PARP14: variants seen among roughly 807,000 people sequenced by gnomAD.
PARP14 encodes the protein poly(ADP-ribose) polymerase family member 14.
PARP14 carries 59 observed loss-of-function variants against 154.2 expected under a neutral mutation model. That is an observed-to-expected ratio of 0.38 (90% CI 0.31 to 0.48). The LOEUF (loss-of-function observed/expected upper bound fraction) is 0.48. Ranked by LOEUF, PARP14 falls within the 20% of genes least tolerant of loss-of-function variation. PARP14 has a pLI of 0.98. For missense variants in PARP14, 1,734 were observed against 2,131.6 expected, an observed-to-expected ratio of 0.81 and a Z score of 3.67; for synonymous variants, 720 against 780.5, an observed-to-expected ratio of 0.92 and a Z score of 1.29.
intron 9 of PARP14, among the ~76,000 whole-genome samples, chr3:122,709,475 T>G (rs1939254873): frequency 1.3e-5 from 2 of 152,230 alleles, no homozygotes; most frequent in South Asian, 2.1e-4. Context: ...TTAGGTTGGT[T>G]CCATATCTTA....
At chr3:122,683,839 A>C (rs1436299750) in intron 1 of PARP14, among the ~76,000 whole-genome samples, 1 of 152,224 alleles carries the variant, frequency 6.6e-6, no homozygotes, top group Non-Finnish European at 1.5e-5. Context: ...AAGTCTAGGG[A>C]ATAAGAAAAG....
intron 15 of PARP14, among the ~76,000 whole-genome samples, chr3:122,724,049 T>G (rs1933223064): frequency 6.6e-6 from 1 of 152,232 alleles, no homozygotes; most frequent in Non-Finnish European, 1.5e-5. Flanking sequence ...TCCCATGTCT[T>G]TTAATGACCC....
At chr3:122,685,456 G>T in intron 2 of PARP14, 138 bp downstream of exon 2, 1 of 773,610 alleles carries the variant, frequency 1.3e-6, no homozygotes, top group Non-Finnish European at 2.1e-6. Context: ...CAAATGTAGG[G>T]GGAGTGAGGG....
chr3:122,702,607 G>A (rs556280199), intron 6 of PARP14, among the ~76,000 whole-genome samples: 1 of 152,272 alleles, frequency 6.6e-6, no homozygotes, highest in East Asian at 1.9e-4. Flanking sequence ...TTACAGATGA[G>A]GGAGTGAGAC....
rs538044529 is a variant in PARP14 at position 122,701,062 on chromosome 3, G to A, written c.2508G>A (p.Ala836=). ...AGCATTATGGTGGCCTGGCCGCTGCGCTCTCAAAAGCAGCTGGCCCTGAGC... is the reference window on the plus strand; with the variant it reads ...AGCATTATGGTGGCCTGGCCGCTGCACTCTCAAAAGCAGCTGGCCCTGAGC... ...DLKHYGGLAA[A]LSKAAGPELQ... Residue 836 remains alanine (A), a synonymous_variant, in exon 6 of 17, where the codon GCG becomes GCA. Transcript: ENST00000474629. The surrounding 1 kb of genome is among the most constrained non-coding windows in gnomAD (Gnocchi z 4.0). 451 of 1,613,968 alleles carry A rather than the reference G, an allele frequency of 2.8e-4. 14 individuals are homozygous for A. The South Asian group carries it at 4.5e-3, about 16-fold the overall frequency.
intron 3 of PARP14, among the ~76,000 whole-genome samples, chr3:122,691,920 C>T (rs1044010006): frequency 3.3e-5 from 5 of 152,106 alleles, no homozygotes; most frequent in African/African-American, 1.2e-4. Flanking sequence ...TGACTATTTA[C>T]TTAGCTAAGT....
intron 2 of PARP14, chr3:122,686,862 T>C (rs1487332767): frequency 1.4e-5 from 7 of 506,094 alleles, no homozygotes; most frequent in African/African-American, 1.4e-4. Flanking sequence ...TTAATTGAGG[T>C]TTCTGTTATT....
intron 15 of PARP14, chr3:122,721,152 C>T (rs1933157462): frequency 3.1e-6 from 1 of 317,810 alleles, no homozygotes; most frequent in Non-Finnish European, 6.1e-6. Context: ...CTTAAACGGT[C>T]TTTTGTCTCT....
intron 12 of PARP14, among the ~76,000 whole-genome samples, chr3:122,715,031 C>T (rs1316648161): frequency 6.6e-6 from 1 of 152,112 alleles, no homozygotes; most frequent in Admixed American, 6.5e-5. Flanking sequence ...TCTTCTTTTC[C>T]TAAAACTAGG....
rs758561803 is a variant in PARP14 at position 122,701,329 on chromosome 3, C to T, written c.2775C>T (p.Val925=). 2 of 1,614,060 alleles carry T rather than the reference C, an allele frequency of 1.2e-6. No homozygotes were observed. Among genetic ancestry groups the T allele is most frequent in the South Asian group, 2.2e-5 (2 of 91,088 alleles). Residue 925 remains valine (V), a synonymous_variant, in exon 6 of 17, where the codon GTC becomes GTT. Transcript: ENST00000474629. The surrounding 1 kb of genome is among the most constrained non-coding windows in gnomAD (Gnocchi z 4.0). ...SIAIPAISSG[V]FGFPLGRCVE... ...CCATCCCAGCTATTAGTTCTGGAGT[C>T]TTTGGCTTTCCCTTAGGCCGATGCG...
At position 122,726,616 on chromosome 3, in the gene PARP14, AT is replaced by A. The variant is rs1224183149; in HGVS notation, c.4942-1188del. 4.6e-5 allele frequency among the ~76,000 whole-genome samples: 7 copies of A among 152,040 alleles called. No individual in the cohort carries two copies. In the East Asian group the frequency reaches 1.2e-3, roughly 25 times the overall value. Reference sequence around the variant, plus strand: ...AAATAAAGTTTAAGATTTATTTGCAATTTTTTTTACCTTAGAATTTATCCCA... The same window carrying A: ...AAATAAAGTTTAAGATTTATTTGCAATTTTTTTACCTTAGAATTTATCCCA... On this transcript the variant is annotated intron_variant, in intron 15 of 16. Transcript: ENST00000474629.
chr3:122,680,894 C>T lies in PARP14; in HGVS notation c.11C>T (p.Pro4Leu). The T allele has an allele frequency of 6.2e-7, 1 of 1,605,420 alleles. No individual in the cohort carries two copies. The highest frequency in any genetic ancestry group is 8.5e-7 in the Non-Finnish European group (1 of 1,176,474). Residue 4 changes from proline to leucine, a missense_variant, in exon 1 of 17, where the codon CCC becomes CTC. Physicochemically the swap from Pro to Leu is moderately conservative, Grantham distance 98. Coordinates refer to ENST00000474629, the MANE Select transcript of PARP14 (RefSeq NM_017554.3). ...AGAGCGGAGCTGAGGATGGCTGTGCCCGGCTCCTTCCCGCTGCTGGTCGAG... is the reference window on the plus strand; with the variant it reads ...AGAGCGGAGCTGAGGATGGCTGTGCTCGGCTCCTTCCCGCTGCTGGTCGAG... MAV[P>L]GSFPLLVEGS... is the part of the protein sequence containing the mutation.
At position 122,700,929 on chromosome 3, in the gene PARP14, G is replaced by A. The variant is rs1333840685; in HGVS notation, c.2375G>A (p.Cys792Tyr). 1 of 1,613,816 alleles carries A rather than the reference G, an allele frequency of 6.2e-7. No homozygotes were observed. Residue 792 changes from cysteine to tyrosine, a missense_variant, in exon 6 of 17, where the codon TGC becomes TAC. By Grantham distance (194) the Cys-to-Tyr change is radical. Coordinates refer to ENST00000474629, the MANE Select transcript of PARP14 (RefSeq NM_017554.3). ...GGAGGCAGCCCCGCTGGGCAGAAGTGCTTCTCTCGGACAGTCTTGGCCCCT... is the reference window on the plus strand; with the variant it reads ...GGAGGCAGCCCCGCTGGGCAGAAGTACTTCTCTCGGACAGTCTTGGCCCCT... ...KEGGSPAGQK[C>Y]FSRTVLAPGV... is the part of the protein sequence containing the mutation.
At chr3:122,687,848 A>T (rs1938420233) in intron 3 of PARP14, among the ~76,000 whole-genome samples, 1 of 152,262 alleles carries the variant, frequency 6.6e-6, no homozygotes. Flanking sequence ...CTAAACCTTA[A>T]GGAAAATGAA....
intron 3 of PARP14, among the ~76,000 whole-genome samples, chr3:122,687,516 G>A (rs1191101781): frequency 6.6e-6 from 1 of 152,222 alleles, no homozygotes; most frequent in Non-Finnish European, 1.5e-5. Flanking sequence ...GTGTGAGGGT[G>A]CTGTGCTCTG....
In PARP14 at chr3:122,694,852, G is replaced by A. The variant is rs565738979; in HGVS notation, c.599-574G>A. On this transcript the variant is annotated intron_variant, in intron 4 of 16. Transcript: ENST00000474629. Reference sequence around the variant, plus strand: ...ATTATTAAAGAGACAATTGAGTTGAGTCCTAAAAGATGAATAGGATCAAGA... The same window carrying A: ...ATTATTAAAGAGACAATTGAGTTGAATCCTAAAAGATGAATAGGATCAAGA... Among the ~76,000 whole-genome samples, 3 of 152,180 alleles carry A rather than the reference G, an allele frequency of 2.0e-5. No individual in the cohort carries two copies. The East Asian group carries it at 5.8e-4, about 29-fold the overall frequency.
Position 122,692,304 on chromosome 3 carries a change from T to C in PARP14, c.359T>C (p.Val120Ala). 1.9e-6 allele frequency: 3 copies of C among 1,610,598 alleles called. No homozygotes were observed. Among genetic ancestry groups the C allele is most frequent in the Non-Finnish European group, 2.5e-6 (3 of 1,177,248 alleles). ...KTKEDVKEPD[V>A]SEELDTKLPL... ...TCTTTTGTCTTCCTAAAATCAGATG[T>C]GTCAGAAGAATTGGATACAAAACTC... Residue 120 changes from valine to alanine, a missense_variant, in exon 4 of 17, where the codon GTG becomes GCG. Transcript: ENST00000474629.
At position 122,685,287 on chromosome 3, in the gene PARP14, A is replaced by T. The variant is rs772215882; in HGVS notation, c.290A>T (p.Asp97Val). 6.2e-7 allele frequency: 1 copy of T among 1,613,942 alleles called. No homozygotes were observed. The change falls in exon 2 of 17, where the codon GAT becomes GTT. Residue 97 changes from aspartate (D) to valine (V), a missense_variant. By Grantham distance (152) the Asp-to-Val change is radical (BLOSUM62 -3). Transcript: ENST00000474629. ...VQLPATPDEIDHVFEEELLTK... is the reference protein window; with the variant it reads ...VQLPATPDEIVHVFEEELLTK... Reference sequence around the variant, plus strand: ...TTACCTGCAACCCCAGATGAAATCGATCATGTCTTTGAAGAGGAACTTCTA... The same window carrying T: ...TTACCTGCAACCCCAGATGAAATCGTTCATGTCTTTGAAGAGGAACTTCTA...
At chr3:122,695,305 TA>T in intron 4 of PARP14, 120 bp from the exon 5 acceptor site, 1 of 611,534 alleles carries the variant, frequency 1.6e-6, no homozygotes. Context: ...ATCTTGTGTC[TA>T]AAAATGGAGT....
Sources: gnomAD v4.1 joint callset for allele counts (sites outside exome capture counted in the v4.1 genomes callset) on GRCh38, gnomAD v4.1.1 for gene constraint, Gnocchi (gnomAD v3.1) non-coding constraint, MANE v1.5 for transcripts, NCBI Gene and HGNC (gene_info 2026-07-23, HGNC 2026-07-21) for gene names.